Variants in MICAL3 observed in about 807,000 individuals in gnomAD.
MICAL3 encodes the protein microtubule associated monooxygenase, calponin and LIM domain containing 3.
A neutral mutation model predicts 207.4 loss-of-function variants in MICAL3; 62 were observed. That is an observed-to-expected ratio of 0.30 (90% CI 0.24 to 0.37). The LOEUF is 0.37. Ranked by LOEUF, MICAL3 falls within the 10% of genes least tolerant of loss-of-function variation. MICAL3 has a pLI of 1.00. For missense variants in MICAL3, 2,368 were observed against 2,635.6 expected, an observed-to-expected ratio of 0.90 and a Z score of 2.22; for synonymous variants, 1,077 against 1,069.3, an observed-to-expected ratio of 1.01 and a Z score of -0.14.
intron 29 of MICAL3, among the ~76,000 whole-genome samples, chr22:17,805,841 G>A (rs2061983801): frequency 6.6e-6 from 1 of 152,218 alleles, no homozygotes; most frequent in Admixed American, 6.5e-5. Flanking sequence ...CGATTCTCCT[G>A]CCTCAGCCTC....
chr22:17,843,053 G>A (rs778596210), intron 19 of MICAL3, among the ~76,000 whole-genome samples: 2 of 143,392 alleles, frequency 1.4e-5, no homozygotes, highest in South Asian at 2.2e-4. Flanking sequence ...CCTGGGAGGC[G>A]GAGCTTGCAG....
At chr22:17,856,135 CTG>C (rs1211990607) in intron 19 of MICAL3, among the ~76,000 whole-genome samples, 3 of 152,278 alleles carry the variant, frequency 2.0e-5, no homozygotes, top group East Asian at 1.9e-4. Flanking sequence ...GCTGCCGCTA[CTG>C]TGTGTCTCCC....
intron 1 of MICAL3, among the ~76,000 whole-genome samples, chr22:17,962,164 A>G (rs1186349714): frequency 1.3e-5 from 2 of 152,146 alleles, no homozygotes; most frequent in Non-Finnish European, 2.9e-5. Flanking sequence ...CTGGGAGAGG[A>G]AAGCGAGACA....
chr22:17,887,824 G>A (rs149751066), intron 13 of MICAL3, among the ~76,000 whole-genome samples: 2 of 152,274 alleles, frequency 1.3e-5, no homozygotes, highest in African/African-American at 4.8e-5. Context: ...GCAGAGAGGC[G>A]ATGAACTCAG....
At chr22:17,875,257 C>T in intron 16 of MICAL3, 1 of 377,500 alleles carries the variant, frequency 2.6e-6, no homozygotes, top group East Asian at 4.8e-5. Context: ...GCCACTTTAG[C>T]TGAGGAGTGT....
At chr22:17,965,388 T>G (rs1935101925) in intron 1 of MICAL3, among the ~76,000 whole-genome samples, 1 of 152,156 alleles carries the variant, frequency 6.6e-6, no homozygotes, top group African/African-American at 2.4e-5. Context: ...ACTAACACAA[T>G]GATTAGAGAC....
intron 1 of MICAL3, among the ~76,000 whole-genome samples, chr22:17,968,694 G>A (rs545435072): frequency 2.0e-5 from 3 of 152,054 alleles, no homozygotes; most frequent in Non-Finnish European, 2.9e-5. Context: ...AAGAAAGGCC[G>A]GTTCCACACT....
At chr22:17,849,688 ATTTTTTTTT>A (rs57344653) in intron 19 of MICAL3, among the ~76,000 whole-genome samples, 1 of 36,280 alleles carries the variant, frequency 2.8e-5, no homozygotes, top group East Asian at 9.9e-4. Flanking sequence ...GTGTGTGTGT[ATTTTTTTTT>A]TTTTTTTTTT....
rs1311135515 is a variant in MICAL3, at chr22:17,817,333, C to T, written c.5328G>A (p.Arg1776=). 1 of 1,605,652 alleles carries T rather than the reference C, an allele frequency of 6.2e-7. No homozygotes were observed. The highest frequency in any genetic ancestry group is 1.7e-5 in the Admixed American group (1 of 58,772). The change falls in exon 26 of 32, where the codon AGG becomes AGA. Residue 1776 remains arginine, a synonymous_variant. Coordinates refer to ENST00000441493, the MANE Select transcript of MICAL3 (RefSeq NM_015241.3). ...SGATVDSGKH[R]VLPVVRAELQ... is the part of the protein sequence containing the mutation. ...CACCTGCCCTTACGACGGGAAGCAC[C>T]CTGTGCTTTCCAGAGTCCACCGTGG...
intron 1 of MICAL3, among the ~76,000 whole-genome samples, chr22:17,938,347 G>C (rs925165836): frequency 3.9e-5 from 6 of 152,162 alleles, no homozygotes; most frequent in Non-Finnish European, 7.3e-5. Flanking sequence ...CAACCAACCG[G>C]GAGGGAAGTA....
At chr22:17,857,170 G>A (rs557552624) in intron 19 of MICAL3, among the ~76,000 whole-genome samples, 58 of 152,168 alleles carry the variant, frequency 3.8e-4, no homozygotes, top group African/African-American at 1.2e-3. Context: ...GCTGTGGCCC[G>A]GGCTGGGTCA....
chr22:17,915,450 C>T (rs553802624), intron 1 of MICAL3, among the ~76,000 whole-genome samples: 16 of 152,282 alleles, frequency 1.1e-4, no homozygotes, highest in Non-Finnish European at 1.5e-4. Flanking sequence ...ACGAGATGAC[C>T]GGAGAACTTG....
At chr22:17,938,002 G>C (rs549411150) in intron 1 of MICAL3, among the ~76,000 whole-genome samples, 2 of 152,308 alleles carry the variant, frequency 1.3e-5, no homozygotes, top group African/African-American at 4.8e-5. Flanking sequence ...GCAAGGAGGA[G>C]GCATGAGAGG....
intron 22 of MICAL3, 53 bp from the exon 23 acceptor site, chr22:17,823,113 G>C: frequency 8.1e-7 from 1 of 1,238,852 alleles, no homozygotes; most frequent in South Asian, 1.2e-5. Context: ...AGACAGACAG[G>C]CTGCATCTTC....
chr22:17,994,309 C>T (rs1243789662), intron 1 of MICAL3, among the ~76,000 whole-genome samples: 1 of 152,192 alleles, frequency 6.6e-6, no homozygotes, highest in Non-Finnish European at 1.5e-5. Flanking sequence ...CCTGGGGGCT[C>T]CAGGTGCCAG....
intron 19 of MICAL3, among the ~76,000 whole-genome samples, chr22:17,845,582 CA>C (rs11419033): frequency 2.1e-5 from 3 of 142,694 alleles, no homozygotes; most frequent in Admixed American, 7.0e-5. Flanking sequence ...TAGCCGGCTG[CA>C]AAAAAAAAAC....
intron 1 of MICAL3, among the ~76,000 whole-genome samples, chr22:17,919,785 C>T (rs540383490): frequency 6.6e-6 from 1 of 152,354 alleles, no homozygotes; most frequent in African/African-American, 2.4e-5. Context: ...AGGACCTGTT[C>T]TTGCCATCAG....
At chr22:17,829,925 A>C (rs1922620279) in intron 21 of MICAL3, among the ~76,000 whole-genome samples, 1 of 152,156 alleles carries the variant, frequency 6.6e-6, no homozygotes, top group African/African-American at 2.4e-5. Context: ...CAGGGAGAGT[A>C]GCCCAGTGAG....
At chr22:17,895,449 C>G (rs1163886387) in intron 9 of MICAL3, 39 bp from the exon 10 acceptor site, 1 of 1,608,540 alleles carries the variant, frequency 6.2e-7, no homozygotes, top group Non-Finnish European at 8.5e-7. Context: ...TCGGGACCAG[C>G]ACCATGAACA....
Sources: gnomAD v4.1 joint callset for allele counts (sites outside exome capture counted in the v4.1 genomes callset) on GRCh38, gnomAD v4.1.1 for gene constraint, MANE v1.5 for transcripts, NCBI Gene and HGNC (gene_info 2026-07-23, HGNC 2026-07-21) for gene names.